Variants in JPH1 observed in about 807,000 individuals in gnomAD.
JPH1 encodes the protein junctophilin 1, also known as junctophilin-1.
In JPH1, 12 loss-of-function variants were observed where a neutral mutation model predicts 53.6. That is an observed-to-expected ratio of 0.22 (90% CI 0.14 to 0.36). JPH1 has a LOEUF of 0.36. Ranked by LOEUF, JPH1 falls within the 10% of genes least tolerant of loss-of-function variation. The pLI, the probability that JPH1 is intolerant of heterozygous loss-of-function variation, is 1.00. For missense variants in JPH1, 808 were observed against 905.5 expected, an observed-to-expected ratio of 0.89 and a Z score of 1.38; for synonymous variants, 375 against 363.8, an observed-to-expected ratio of 1.03 and a Z score of -0.35.
intron 2 of JPH1, among the ~76,000 whole-genome samples, chr8:74,296,901 G>T (rs981362322): frequency 1.3e-5 from 2 of 152,038 alleles, no homozygotes; most frequent in South Asian, 2.1e-4. Context: ...TACATCTCTG[G>T]CTAACTCGAA....
chr8:74,294,264 T>C (rs959471801), intron 2 of JPH1, among the ~76,000 whole-genome samples: 1 of 152,206 alleles, frequency 6.6e-6, no homozygotes, highest in African/African-American at 2.4e-5. Context: ...TCCTGCTCTT[T>C]CTGCACTTCT....
intron 2 of JPH1, among the ~76,000 whole-genome samples, chr8:74,302,309 T>C (rs182131861): frequency 2.1e-4 from 32 of 152,326 alleles, no homozygotes; most frequent in African/African-American, 6.7e-4. Flanking sequence ...AAAACATTCA[T>C]TTACTGCAAA....
At chr8:74,253,058 G>T (rs1290262427) in intron 3 of JPH1, among the ~76,000 whole-genome samples, 1 of 152,032 alleles carries the variant, frequency 6.6e-6, no homozygotes, top group East Asian at 1.9e-4. Flanking sequence ...GACATCTACA[G>T]AACTCTCCAC....
At chr8:74,290,851 G>T (rs1031514829) in intron 2 of JPH1, among the ~76,000 whole-genome samples, 3 of 152,108 alleles carry the variant, frequency 2.0e-5, no homozygotes, top group African/African-American at 7.2e-5. Context: ...TCTGATCTTT[G>T]ACAAACCTGA....
intron 1 of JPH1, among the ~76,000 whole-genome samples, chr8:74,319,578 G>T (rs572495846): frequency 6.6e-6 from 1 of 152,334 alleles, no homozygotes; most frequent in East Asian, 1.9e-4. Context: ...ATGAAAAGAT[G>T]TCCTTTTTAG....
In JPH1 at chr8:74,237,196, G is replaced by A; in HGVS notation, c.*15+12C>T. ...TACTATGATTTTAGATAGAAATTAA[G>A]GCGATTCTTACCTTTCCTAATTCCA... On this transcript the variant is annotated intron_variant, in intron 5 of 5. Transcript: ENST00000342232. 1 of 1,487,418 alleles carries A rather than the reference G, an allele frequency of 6.7e-7. No individual in the cohort carries two copies. The highest frequency in any genetic ancestry group is 9.3e-7 in the Non-Finnish European group (1 of 1,079,068). 92.1% of individuals were successfully genotyped at this position (1,487,418 alleles called of 1,614,324 possible).
intron 4 of JPH1, among the ~76,000 whole-genome samples, chr8:74,240,180 C>G (rs983093566): frequency 1.3e-5 from 2 of 152,090 alleles, no homozygotes; most frequent in Admixed American, 6.6e-5. Flanking sequence ...CCATGTTGGC[C>G]AGGCTGGTCC....
intron 2 of JPH1, among the ~76,000 whole-genome samples, chr8:74,295,337 C>T (rs571826952): frequency 6.6e-6 from 1 of 152,174 alleles, no homozygotes; most frequent in East Asian, 1.9e-4. Flanking sequence ...ACATATAGTT[C>T]TTTGCTATAT....
intron 3 of JPH1, among the ~76,000 whole-genome samples, chr8:74,254,274 C>T (rs1331317878): frequency 6.6e-6 from 1 of 152,066 alleles, no homozygotes; most frequent in Non-Finnish European, 1.5e-5. Context: ...AGCATATAAA[C>T]AGAACCAAAG....
chr8:74,255,745 A>G (rs1021455811), intron 3 of JPH1, among the ~76,000 whole-genome samples: 2 of 152,372 alleles, frequency 1.3e-5, no homozygotes, highest in East Asian at 1.9e-4. Context: ...ATGAACAGAC[A>G]CTTCTCAAAA....
chr8:74,271,456 T>G (rs186755769), intron 2 of JPH1, among the ~76,000 whole-genome samples: 17 of 152,358 alleles, frequency 1.1e-4, no homozygotes, highest in East Asian at 3.9e-4. Context: ...TAGTTCTTCC[T>G]GCCTTTTCAA....
At chr8:74,249,437 T>C (rs1255939911) in intron 3 of JPH1, among the ~76,000 whole-genome samples, 2 of 152,202 alleles carry the variant, frequency 1.3e-5, no homozygotes, top group Non-Finnish European at 2.9e-5. Context: ...GACTTCACAG[T>C]CCCGTCTATA....
intron 2 of JPH1, among the ~76,000 whole-genome samples, chr8:74,288,926 A>G (rs1807245463): frequency 1.3e-5 from 2 of 152,212 alleles, no homozygotes; most frequent in Admixed American, 6.5e-5. Context: ...GTATGTAGAG[A>G]GCTGACTTGG....
At chr8:74,256,522 C>T (rs1806240120) in intron 3 of JPH1, among the ~76,000 whole-genome samples, 2 of 133,776 alleles carry the variant, frequency 1.5e-5, no homozygotes, top group South Asian at 2.2e-4. Flanking sequence ...TGCACATGTA[C>T]CCTAAAACTT....
intron 2 of JPH1, among the ~76,000 whole-genome samples, chr8:74,267,699 G>C (rs1430099912): frequency 6.6e-6 from 1 of 152,188 alleles, no homozygotes; most frequent in African/African-American, 2.4e-5. Context: ...TTTTGACCCA[G>C]AAAGGAAGCA....
intron 1 of JPH1, among the ~76,000 whole-genome samples, chr8:74,316,098 C>T (rs1292183254): frequency 6.6e-6 from 1 of 152,154 alleles, no homozygotes; most frequent in Non-Finnish European, 1.5e-5. Flanking sequence ...AAGAAGTATA[C>T]AGGCTTAAAT....
intron 2 of JPH1, among the ~76,000 whole-genome samples, chr8:74,263,271 A>G (rs973512834): frequency 2.0e-5 from 3 of 152,214 alleles, no homozygotes; most frequent in African/African-American, 7.2e-5. Context: ...TCTTTTCTCA[A>G]CAATAAACTG....
intron 2 of JPH1, among the ~76,000 whole-genome samples, chr8:74,310,123 T>G (rs1216472824): frequency 6.6e-6 from 1 of 152,072 alleles, no homozygotes; most frequent in African/African-American, 2.4e-5. Context: ...TCCTCAGTTC[T>G]AGTAGCTATG....
intron 2 of JPH1, among the ~76,000 whole-genome samples, chr8:74,312,577 G>A (rs1446043793): frequency 6.6e-6 from 1 of 152,184 alleles, no homozygotes; most frequent in Admixed American, 6.5e-5. Flanking sequence ...GCAAAATGCA[G>A]TATTGTTAAC....
Sources: allele counts gnomAD v4.1 joint callset (sites outside exome capture counted in the v4.1 genomes callset), GRCh38; gene constraint gnomAD v4.1.1; transcripts MANE v1.5; gene names NCBI Gene and HGNC (gene_info 2026-07-23, HGNC 2026-07-21).